PLA2G5: variants seen among roughly 807,000 people sequenced by gnomAD.
PLA2G5 encodes the protein Ca2+-dependent phospholipase A2.
PLA2G5 carries 12 observed loss-of-function variants against 15.9 expected under a neutral mutation model. The ratio of observed to expected loss-of-function variants is 0.76; its 90% CI spans 0.48 to 1.23. The LOEUF (loss-of-function observed/expected upper bound fraction) is 1.23, where lower values mean the gene tolerates loss of function less well. PLA2G5 is among the 50% of genes most tolerant of loss of function. PLA2G5 has a pLI of 0.00. For missense variants in PLA2G5, 169 were observed against 177.1 expected (o/e 0.95, Z 0.26); for synonymous variants, 71 against 71.4 (o/e 0.99, Z 0.03).
chr1:20,089,345 G>C (rs1009902839), intron 3 of PLA2G5, among the ~76,000 whole-genome samples: 1 of 152,188 alleles, frequency 6.6e-6, no homozygotes, highest in African/African-American at 2.4e-5. Flanking sequence ...GGAATCACAC[G>C]TTGGCTCCTC....
At chr1:20,039,103 G>C (rs2013444555) in intron 1 of PLA2G5, among the ~76,000 whole-genome samples, 2 of 152,196 alleles carry the variant, frequency 1.3e-5, no homozygotes, top group Admixed American at 6.5e-5. Context: ...CAGGTTCACT[G>C]TCTGTGGATG....
intron 1 of PLA2G5, among the ~76,000 whole-genome samples, chr1:20,048,255 G>C (rs573315865): frequency 6.6e-6 from 1 of 152,046 alleles, no homozygotes; most frequent in Non-Finnish European, 1.5e-5. Flanking sequence ...AAATAAGATA[G>C]CCTTAAAATT....
chr1:20,028,740 G>A (rs184084395), intron 1 of PLA2G5: 1 of 152,374 alleles, frequency 6.6e-6, no homozygotes, highest in East Asian at 1.9e-4. Flanking sequence ...TGTTAGCTAA[G>A]AGGAGGAAGA....
intron 1 of PLA2G5, among the ~76,000 whole-genome samples, chr1:20,057,789 G>A (rs181442938): frequency 2.4e-4 from 36 of 152,184 alleles, no homozygotes; most frequent in Admixed American, 1.3e-3. Flanking sequence ...ATGAGCCACC[G>A]CACCCTACTG....
At position 20,053,579 on chromosome 1, in the gene PLA2G5, G is replaced by A. The variant is rs201042113; in HGVS notation, n.277-6053G>A. On this transcript the variant is annotated intron_variant and non_coding_transcript_variant, in intron 1 of 6. Coordinates refer to the PLA2G5 transcript ENST00000460175. ...ATTATGTATTACTTTGCGGGGGGGG[G>A]GGTGATATGCAAAACTTTCCCTTGT... 3.6e-5 allele frequency among the ~76,000 whole-genome samples: 5 copies of A among 140,190 alleles called. 1 individual carries two copies. Among genetic ancestry groups the A allele is most frequent in the African/African-American group, 5.4e-5 (2 of 37,316 alleles). The allele number at this position is 140,190 out of a possible 152,430, so 92.0% of individuals were successfully genotyped here. A position where few individuals can be genotyped will look rare whatever the true frequency, so the allele number is the denominator to read the frequency against.
intron 1 of PLA2G5, among the ~76,000 whole-genome samples, chr1:20,077,307 A>G (rs2015740501): frequency 6.6e-6 from 1 of 152,198 alleles, no homozygotes; most frequent in Non-Finnish European, 1.5e-5. Context: ...CAGTGAGTTT[A>G]GTTCTGAGGT....
chr1:20,090,236 G>A (rs2016501352), intron 4 of PLA2G5, among the ~76,000 whole-genome samples: 1 of 152,178 alleles, frequency 6.6e-6, no homozygotes, highest in Non-Finnish European at 1.5e-5. Context: ...TGAGTTCAAG[G>A]CTAAATCTGG....
chr1:20,054,347 T>A (rs1242601656), intron 1 of PLA2G5, among the ~76,000 whole-genome samples: 1 of 152,312 alleles, frequency 6.6e-6, no homozygotes. Context: ...CCCTCTAGGG[T>A]GTGTCTGTCA....
At chr1:20,030,350 G>T (rs1226703868) in intron 1 of PLA2G5, among the ~76,000 whole-genome samples, 1 of 152,104 alleles carries the variant, frequency 6.6e-6, no homozygotes, top group Non-Finnish European at 1.5e-5. Context: ...CTTGATGTGA[G>T]AGTAGGCCAG....
chr1:20,090,641 A>AGG lies in PLA2G5; in HGVS notation c.366_367insGG (p.Arg123GlyfsTer94). The AGG allele has an allele frequency of 6.2e-7, 1 of 1,613,944 alleles. No homozygotes were observed. The highest frequency in any genetic ancestry group is 8.5e-7 in the Non-Finnish European group (1 of 1,179,874). On this transcript the variant is annotated frameshift_variant, in exon 5 of 5. Transcript: ENST00000375108. LOFTEE classifies it high-confidence loss of function. ...TCGTCTACTGCCTCAAGAGAAACCT[A>AGG]CGGAGCTACAACCCACAGTACCAAT... is the stretch of plus-strand genomic sequence containing the variant.
chr1:20,053,915 T>C (rs982321005), intron 1 of PLA2G5, among the ~76,000 whole-genome samples: 2 of 152,368 alleles, frequency 1.3e-5, no homozygotes, highest in Non-Finnish European at 2.9e-5. Flanking sequence ...CACAAACTAA[T>C]TTACAGTATT....
At chr1:20,040,886 C>A (rs1046499821) in intron 1 of PLA2G5, among the ~76,000 whole-genome samples, 10 of 152,184 alleles carry the variant, frequency 6.6e-5, no homozygotes, top group Admixed American at 3.9e-4. Context: ...CTCTTATCTA[C>A]CTAAGACCTG....
intron 1 of PLA2G5, among the ~76,000 whole-genome samples, chr1:20,037,389 A>T (rs1325636777): frequency 2.0e-5 from 3 of 152,168 alleles, no homozygotes; most frequent in Non-Finnish European, 4.4e-5. Flanking sequence ...ACGCCTTCAA[A>T]GAGTCCTGTG....
At chr1:20,034,615 C>G (rs971039628) in intron 1 of PLA2G5, among the ~76,000 whole-genome samples, 1 of 152,014 alleles carries the variant, frequency 6.6e-6, no homozygotes, top group Admixed American at 6.5e-5. Flanking sequence ...AGGTTTGAGG[C>G]CCCTGAGGCT....
intron 1 of PLA2G5, among the ~76,000 whole-genome samples, chr1:20,036,428 C>G (rs1394723137): frequency 6.6e-6 from 1 of 152,006 alleles, no homozygotes; most frequent in African/African-American, 2.4e-5. Flanking sequence ...AGGCTTTGTT[C>G]ATTTTTTAAA....
intron 3 of PLA2G5, among the ~76,000 whole-genome samples, chr1:20,087,055 G>A (rs1038791098): frequency 6.6e-6 from 1 of 152,186 alleles, no homozygotes; most frequent in African/African-American, 2.4e-5. Flanking sequence ...ATGTGCAAAA[G>A]GACTAAAGTT....
intron 1 of PLA2G5, among the ~76,000 whole-genome samples, chr1:20,031,829 T>A (rs1557720221): frequency 6.6e-6 from 1 of 152,126 alleles, no homozygotes; most frequent in Non-Finnish European, 1.5e-5. Context: ...AGGAGAAGTC[T>A]GTGATCCAGA....
intron 1 of PLA2G5, among the ~76,000 whole-genome samples, chr1:20,033,611 A>C (rs917992446): frequency 6.6e-6 from 1 of 152,150 alleles, no homozygotes; most frequent in Non-Finnish European, 1.5e-5. Context: ...CCAGCCTTGG[A>C]TGACAGAGTC....
chr1:20,060,667 T>C (rs1033355583), intron 2 of PLA2G5, among the ~76,000 whole-genome samples: 15 of 152,004 alleles, frequency 9.9e-5, no homozygotes, highest in African/African-American at 3.4e-4. Flanking sequence ...AAGTGGCTAG[T>C]GTTAGAATGA....
Sources: allele counts gnomAD v4.1 joint callset (sites outside exome capture counted in the v4.1 genomes callset), GRCh38; gene constraint gnomAD v4.1.1; transcripts MANE v1.5; gene names NCBI Gene and HGNC (gene_info 2026-07-23, HGNC 2026-07-21).